The following CATSPER2 variants were observed in gnomAD, a reference collection of about 807,000 sequenced individuals.
CATSPER2 encodes cation channel sperm-associated protein 2.
Under a neutral mutation model 68.8 loss-of-function variants are expected in CATSPER2, and 56 were observed. That is an observed-to-expected ratio of 0.81 (90% CI 0.66 to 1.02). The LOEUF is 1.02. Among genes scored for constraint, CATSPER2 ranks in the 50% least tolerant of loss-of-function variants. The pLI is 0.00. For synonymous variants in CATSPER2, 198 were observed against 229.9 expected (o/e 0.86, Z 1.26); for missense variants, 582 against 642.0 (o/e 0.91, Z 1.01).
intron 4 of CATSPER2, among the ~76,000 whole-genome samples, chr15:43,643,327 A>G (rs2086104555): frequency 6.6e-6 from 1 of 151,904 alleles, no homozygotes; most frequent in Non-Finnish European, 1.5e-5. Flanking sequence ...GAAACAAGGA[A>G]TACTGATGTT....
chr15:43,643,423 C>T (rs925257466), intron 4 of CATSPER2, among the ~76,000 whole-genome samples: 19 of 151,680 alleles, frequency 1.3e-4, no homozygotes, highest in Admixed American at 8.5e-4. Flanking sequence ...CTGCAAACTC[C>T]GCCTCCCAGG....
intron 12 of CATSPER2, among the ~76,000 whole-genome samples, chr15:43,631,890 C>T (rs1464692544): frequency 6.6e-6 from 1 of 151,924 alleles, no homozygotes; most frequent in Non-Finnish European, 1.5e-5. Flanking sequence ...AAGAGCCTAC[C>T]TTGTCCTAAT....
At position 43,629,804 on chromosome 15, in the gene CATSPER2, TC is replaced by T. The variant is rs748311053; in HGVS notation, c.*896del. 4 of 151,638 alleles carry T rather than the reference TC, an allele frequency of 2.6e-5. No homozygotes were observed. Among genetic ancestry groups the T allele is most frequent in the Non-Finnish European group, 5.9e-5 (4 of 67,978 alleles). 9.4% of individuals were successfully genotyped at this position (151,638 alleles called of 1,614,324 possible). On this transcript the variant is annotated 3_prime_UTR_variant, in exon 13 of 13. Transcript: ENST00000396879. The stretch of plus-strand genomic sequence containing the variant: ...TATGGCAAAATGAAATAAAGAGACT[TC>T]CGGTCCAGAAACAGGTAAAAATAAT...
chr15:43,648,841 CAA>C lies in CATSPER2; in HGVS notation c.-217_-216del, dbSNP rs1215708287. The C allele has an allele frequency of 6.5e-7, 1 of 1,528,240 alleles. No individual in the cohort carries two copies. The highest frequency in any genetic ancestry group is 8.8e-7 in the Non-Finnish European group (1 of 1,141,880). 94.7% of individuals were successfully genotyped at this position (1,528,240 alleles called of 1,614,324 possible). A position where few individuals can be genotyped will look rare whatever the true frequency, so the allele number is the denominator to read the frequency against. ...ACCCACAGCCCAGGACCATGCGGAG[CAA>C]CGCTCGCCCAGCCACTCGCCGCCTA... On this transcript the variant is annotated 5_prime_UTR_variant, in exon 1 of 13. Transcript: ENST00000396879.
chr15:43,641,798 T>C (rs1280338271), intron 4 of CATSPER2, among the ~76,000 whole-genome samples: 1 of 152,012 alleles, frequency 6.6e-6, no homozygotes, highest in Non-Finnish European at 1.5e-5. Flanking sequence ...AGCCTGGCTC[T>C]TCCGGGCTCA....
chr15:43,639,821 A>C, intron 5 of CATSPER2, 23 bp from the exon 6 acceptor site: 1 of 1,610,766 alleles, frequency 6.2e-7, no homozygotes, highest in East Asian at 2.2e-5. Flanking sequence ...CACAGGTTAT[A>C]AGTAAAATAC....
In CATSPER2 at chr15:43,630,740, G is replaced by C. The variant is rs1470419650; in HGVS notation, c.1562-8C>G. 6.2e-7 allele frequency: 1 copy of C among 1,612,372 alleles called. No homozygotes were observed. The highest frequency in any genetic ancestry group is 2.2e-5 in the East Asian group (1 of 44,822). ...AGTTCATCAGTGCCTGCACTGCAAA[G>C]GAAACAGATTGTGAGGCTGGAGAGC... is the stretch of plus-strand genomic sequence containing the variant. On this transcript the variant is annotated splice_polypyrimidine_tract_variant and splice_region_variant and intron_variant, in intron 12 of 12. Transcript: ENST00000396879.
chr15:43,638,870 C>G, intron 7 of CATSPER2, 34 bp downstream of exon 7: 1 of 1,611,262 alleles, frequency 6.2e-7, no homozygotes, highest in Non-Finnish European at 8.5e-7. Flanking sequence ...GCCAAATTTT[C>G]TCCCCTCACC....
At chr15:43,634,043 T>G (rs2085923219) in intron 10 of CATSPER2, 1 of 151,970 alleles carries the variant, frequency 6.6e-6, no homozygotes, top group Non-Finnish European at 1.5e-5. Flanking sequence ...TACTTTTAAT[T>G]TTCCCATAAT....
chr15:43,643,723 T>C (rs1427066517), intron 4 of CATSPER2, among the ~76,000 whole-genome samples: 1 of 152,018 alleles, frequency 6.6e-6, no homozygotes, highest in Non-Finnish European at 1.5e-5. Context: ...ATAAATTCCA[T>C]TCATTTGACC....
intron 4 of CATSPER2, among the ~76,000 whole-genome samples, chr15:43,641,585 C>T (rs1219528552): frequency 1.3e-5 from 2 of 151,512 alleles, no homozygotes; most frequent in African/African-American, 4.9e-5. Flanking sequence ...GGTGCTCTGG[C>T]TTTAAAGTCA....
chr15:43,631,395 T>C (rs1407515936), intron 12 of CATSPER2: 1 of 188,150 alleles, frequency 5.3e-6, no homozygotes, highest in African/African-American at 2.4e-5. Flanking sequence ...AACGTCCAGC[T>C]GATTTTTTGT....
intron 4 of CATSPER2, among the ~76,000 whole-genome samples, chr15:43,640,999 C>T (rs2086062456): frequency 1.3e-5 from 2 of 151,850 alleles, no homozygotes; most frequent in East Asian, 3.9e-4. Flanking sequence ...GTTCTGTTAG[C>T]TTTCTTTTAA....
Position 43,632,266 on chromosome 15 carries a change from T to C in CATSPER2, c.1494A>G (p.Arg498=), listed in dbSNP as rs745821543. The C allele has an allele frequency of 5.9e-5, 95 of 1,613,504 alleles. No homozygotes were observed. The Admixed American group carries it at 1.6e-3, about 26-fold the overall frequency. ...DRVWPRDSLF[R]YFELLEKLQY... is the part of the protein sequence containing the mutation. ...GAAGCTTTTCTAGCAACTCAAAATA[T>C]CGGAAGAGTGAGTCTCTGGGCCAAA... Residue 498 remains arginine (R), a synonymous_variant, in exon 12 of 13, where the codon CGA becomes CGG. Coordinates refer to ENST00000396879, the MANE Select transcript of CATSPER2 (RefSeq NM_172095.4).
intron 1 of CATSPER2, 86 bp from the exon 2 acceptor site, chr15:43,648,149 C>G (rs1443073604): frequency 1.0e-5 from 15 of 1,477,776 alleles, no homozygotes; most frequent in Non-Finnish European, 1.4e-5. Flanking sequence ...TCCTCCCCAC[C>G]CTCTTTACCC....
chr15:43,632,535 C>T, intron 11 of CATSPER2, 172 bp from the exon 12 acceptor site: 1 of 1,430,460 alleles, frequency 7.0e-7, no homozygotes, highest in Non-Finnish European at 9.7e-7. Context: ...AAGAGGGCCA[C>T]AGCCACACTT....
intron 4 of CATSPER2, among the ~76,000 whole-genome samples, chr15:43,645,694 G>T (rs569632265): frequency 6.6e-6 from 1 of 151,860 alleles, no homozygotes; most frequent in South Asian, 2.1e-4. Flanking sequence ...TCAGGAGGCC[G>T]AGGTGGGAGG....
intron 10 of CATSPER2, chr15:43,635,091 A>T (rs1181227794): frequency 2.1e-5 from 11 of 513,164 alleles, no homozygotes; most frequent in Non-Finnish European, 4.0e-5. Context: ...GACCCTTGCC[A>T]TTGGATTTAG....
At chr15:43,630,823 G>T (rs1047291586) in intron 12 of CATSPER2, 91 bp from the exon 13 acceptor site, 2 of 1,609,512 alleles carry the variant, frequency 1.2e-6, no homozygotes, top group African/African-American at 1.3e-5. Flanking sequence ...TGGGTTCTAG[G>T]TTCCCTCACA....
Sources: gnomAD v4.1 joint callset for allele counts (sites outside exome capture counted in the v4.1 genomes callset) on GRCh38, gnomAD v4.1.1 for gene constraint, MANE v1.5 for transcripts, NCBI Gene and HGNC (gene_info 2026-07-23, HGNC 2026-07-21) for gene names.